Variants in ZNF587 observed in about 807,000 individuals in gnomAD.
The protein encoded by ZNF587 is zinc finger protein zfp6.
In ZNF587, 8 loss-of-function variants were observed where a neutral mutation model predicts 7.5. The observed-to-expected ratio is 1.06, with a 90% CI of 0.62 to 1.92. The LOEUF is 1.92. ZNF587 is among the 40% of genes most tolerant of loss of function. ZNF587 has a pLI of 0.00. For missense variants in ZNF587, 468 were observed against 692.8 expected (o/e 0.68, Z 3.64); for synonymous variants, 145 against 237.8 (o/e 0.61, Z 3.59).
rs1220562118 is a variant in ZNF587, at chr19:57,864,794, A to T, written c.*4654A>T. ...CTTGTGGTGTAAATTTTTTTTTATT[A>T]CACCAAATTATGTTCACACAAAACC... On this transcript the variant is annotated 3_prime_UTR_variant, in exon 3 of 3. Transcript: ENST00000339656. 6.6e-6 allele frequency: 1 copy of T among 152,000 alleles called. No homozygotes were observed. Among genetic ancestry groups the T allele is most frequent in the African/African-American group, 2.4e-5 (1 of 41,406 alleles). The allele number at this position is 152,000 out of a possible 1,614,324, so 9.4% of individuals were successfully genotyped here.
rs150949234 is a variant in ZNF587 at position 57,864,890 on chromosome 19, G to T, written c.*4750G>T. 6.6e-6 allele frequency: 1 copy of T among 151,964 alleles called. No individual in the cohort carries two copies. Among genetic ancestry groups the T allele is most frequent in the Non-Finnish European group, 1.5e-5 (1 of 68,018 alleles). The allele number at this position is 151,964 out of a possible 1,614,324, so 9.4% of individuals were successfully genotyped here. ...TGCAATCAGCCGAGATGGTGCCATC[G>T]CACTCTAGCCTGGGGAATAGAGTGA... On this transcript the variant is annotated 3_prime_UTR_variant, in exon 3 of 3. Coordinates refer to ENST00000339656, the MANE Select transcript of ZNF587 (RefSeq NM_032828.4).
At position 57,861,441 on chromosome 19, in the gene ZNF587, C is replaced by G. The variant is rs948854723; in HGVS notation, c.*1301C>G. 1.4e-4 allele frequency: 22 copies of G among 152,184 alleles called. No individual in the cohort carries two copies. Among genetic ancestry groups the G allele is most frequent in the African/African-American group, 4.8e-4 (20 of 41,416 alleles). 9.4% of individuals were successfully genotyped at this position (152,184 alleles called of 1,614,324 possible). A position where few individuals can be genotyped will look rare whatever the true frequency, so the allele number is the denominator to read the frequency against. ...TGCTTCCTGGGCTCAAGCACTCTGCCCACCTCAGCCTCCAGAGTAGCTGGA... is the reference window on the plus strand; with the variant it reads ...TGCTTCCTGGGCTCAAGCACTCTGCGCACCTCAGCCTCCAGAGTAGCTGGA... On this transcript the variant is annotated 3_prime_UTR_variant, in exon 3 of 3. Coordinates refer to ENST00000339656, the MANE Select transcript of ZNF587 (RefSeq NM_032828.4).
At chr19:57,857,002 T>C (rs567929101) in intron 2 of ZNF587, 12 of 152,110 alleles carry the variant, frequency 7.9e-5, no homozygotes, top group African/African-American at 2.9e-4. Flanking sequence ...TTAGGAATTC[T>C]TTTGTAATAC....
intron 1 of ZNF587, among the ~76,000 whole-genome samples, chr19:57,855,648 G>A (rs565818576): frequency 2.7e-4 from 39 of 144,614 alleles, no homozygotes; most frequent in African/African-American, 9.3e-4. Flanking sequence ...TACAAACCCC[G>A]CCTCCTGGGT....
Position 57,861,747 on chromosome 19 carries a change from CTT to C in ZNF587, c.*1609_*1610del, listed in dbSNP as rs1317002459. The C allele has an allele frequency of 6.9e-6, 1 of 144,702 alleles. No individual in the cohort carries two copies. The highest frequency in any genetic ancestry group is 2.6e-5 in the African/African-American group (1 of 38,136). The allele number at this position is 144,702 out of a possible 1,614,324, so 9.0% of individuals were successfully genotyped here. On this transcript the variant is annotated 3_prime_UTR_variant, in exon 3 of 3. Transcript: ENST00000339656. Reference sequence around the variant, plus strand: ...CTTCATTCATTCTTCAGTGATGTCACTTTGCTGCAAGGAATATTTGGTTTTCT... The same window carrying C: ...CTTCATTCATTCTTCAGTGATGTCACTGCTGCAAGGAATATTTGGTTTTCT...
In ZNF587 at chr19:57,859,798, G is replaced by A; in HGVS notation, c.1386G>A (p.Arg462=). Residue 462 remains arginine (R), a synonymous_variant, in exon 3 of 3, where the codon AGG becomes AGA. Coordinates refer to ENST00000339656, the MANE Select transcript of ZNF587 (RefSeq NM_032828.4). Reference sequence around the variant, plus strand: ...ATGAGAGAGTTCACACTGGAGAAAGGCCATATGCGTGTGAGGTATGTGGGA... The same window carrying A: ...ATGAGAGAGTTCACACTGGAGAAAGACCATATGCGTGTGAGGTATGTGGGA... The part of the protein sequence containing the change: ...LVHERVHTGE[R]PYACEVCGKL... 3.1e-6 allele frequency: 5 copies of A among 1,614,088 alleles called. No individual in the cohort carries two copies. Among genetic ancestry groups the A allele is most frequent in the Non-Finnish European group, 4.2e-6 (5 of 1,180,012 alleles).
chr19:57,855,882 A>C, intron 1 of ZNF587: 1 of 709,986 alleles, frequency 1.4e-6, no homozygotes, highest in Non-Finnish European at 2.2e-6. Context: ...GGACCTTTTT[A>C]TGTCAGGACC....
chr19:57,852,562 T>C (rs2071294190), intron 1 of ZNF587, among the ~76,000 whole-genome samples: 1 of 150,560 alleles, frequency 6.6e-6, no homozygotes. Context: ...ATTTCAGTCT[T>C]GTTGCCCAGG....
chr19:57,860,000 T>C lies in ZNF587; in HGVS notation c.1588T>C (p.Ser530Pro). 6.2e-7 allele frequency: 1 copy of C among 1,612,932 alleles called. No homozygotes were observed. ...GTGCAGTGAATGTGGAAAATCCTTT[T>C]CTGAATGTTCCAGTCTCATTAAACA... ...YKCSECGKSFSECSSLIKHRR... is the reference protein window; with the variant it reads ...YKCSECGKSFPECSSLIKHRR... Residue 530 changes from serine to proline, a missense_variant, in exon 3 of 3, where the codon TCT becomes CCT. Physicochemically the swap from Ser to Pro is moderately conservative, Grantham distance 74. This residue lies in a region of ZNF587 where 310 missense variants were observed against 325.6 expected (regional missense o/e 0.95). Transcript: ENST00000339656.
rs2071410145 is a variant in ZNF587 at position 57,859,627 on chromosome 19, A to C, written c.1215A>C (p.Glu405Asp). ...LVHHQRGHTG[E>D]RPYECKECGK... Reference sequence around the variant, plus strand: ...ACCATCAGCGAGGTCATACTGGAGAAAGGCCCTATGAGTGCAAGGAATGTG... The same window carrying C: ...ACCATCAGCGAGGTCATACTGGAGACAGGCCCTATGAGTGCAAGGAATGTG... The change falls in exon 3 of 3, where the codon GAA (glutamate) becomes GAC (aspartate). Residue 405 changes from glutamate (E) to aspartate (D), a missense_variant. Transcript: ENST00000339656. 1 of 1,614,008 alleles carries C rather than the reference A, an allele frequency of 6.2e-7. No individual in the cohort carries two copies.
chr19:57,857,815 T>A (rs940684765), intron 2 of ZNF587, among the ~76,000 whole-genome samples: 4 of 151,848 alleles, frequency 2.6e-5, no homozygotes, highest in Admixed American at 6.6e-5. Context: ...TTTGTATTTT[T>A]AGTAGATACA....
chr19:57,850,847 C>A lies in ZNF587; in HGVS notation c.33+776C>A, dbSNP rs959996903. Reference sequence around the variant, plus strand: ...AGTAAAGGAGAACTCGTGAGTCATTCCATAAGATGTAAAGCACTGGCCGTT... The same window carrying A: ...AGTAAAGGAGAACTCGTGAGTCATTACATAAGATGTAAAGCACTGGCCGTT... On this transcript the variant is annotated intron_variant, in intron 1 of 2. Transcript: ENST00000339656. The A allele has an allele frequency of 4.1e-4, 131 of 318,684 alleles. 2 individuals carry two copies. Among genetic ancestry groups the A allele is most frequent in the Middle Eastern group, 8.2e-4 (1 of 1,224 alleles). 19.7% of individuals were successfully genotyped at this position (318,684 alleles called of 1,614,324 possible).
rs530305062 is a variant in ZNF587, at chr19:57,856,191, C to T, written c.121C>T (p.Arg41Cys). Reference protein sequence around the residue: ...LLSEAQRCLYRDVMLENLALI... With the variant: ...LLSEAQRCLYCDVMLENLALI... ...TAGTGAGGCTCAGAGGTGCTTGTAC[C>T]GTGATGTGATGCTAGAGAACCTGGC... The change falls in exon 2 of 3, where the codon CGT (arginine) becomes TGT (cysteine). Residue 41 changes from arginine to cysteine, a missense_variant. This residue lies in a region of ZNF587 where 92 missense variants were observed against 89.7 expected (regional missense o/e 1.03). Transcript: ENST00000339656. 2.2e-5 allele frequency: 36 copies of T among 1,605,468 alleles called. No homozygotes were observed. In the East Asian group the frequency reaches 4.7e-4, roughly 21 times the overall value.
intron 1 of ZNF587, among the ~76,000 whole-genome samples, chr19:57,854,729 T>C (rs1487306006): frequency 2.6e-5 from 4 of 151,990 alleles, no homozygotes; most frequent in Non-Finnish European, 5.9e-5. Context: ...TTATACCCTC[T>C]TCATCTTGTG....
Position 57,859,982 on chromosome 19 carries a change from G to C in ZNF587, c.1570G>C (p.Glu524Gln). ...TGGACAAAAGCCTTATAAGTGCAGT[G>C]AATGTGGAAAATCCTTTTCTGAATG... ...HSGQKPYKCS[E>Q]CGKSFSECSS... is the part of the protein sequence containing the mutation. Residue 524 changes from glutamate (E) to glutamine (Q), a missense_variant, in exon 3 of 3, where the codon GAA (glutamate) becomes CAA (glutamine). Physicochemically the swap from Glu to Gln is conservative, Grantham distance 29. This residue lies in a region of ZNF587 where 310 missense variants were observed against 325.6 expected (regional missense o/e 0.95). Coordinates refer to ENST00000339656, the MANE Select transcript of ZNF587 (RefSeq NM_032828.4). The C allele has an allele frequency of 6.2e-7, 1 of 1,614,088 alleles. No homozygotes were observed. The highest frequency in any genetic ancestry group is 8.5e-7 in the Non-Finnish European group (1 of 1,180,004).
intron 1 of ZNF587, chr19:57,850,858 A>G (rs1454460594): frequency 5.3e-5 from 16 of 299,928 alleles, no homozygotes; most frequent in Non-Finnish European, 1.8e-5. Flanking sequence ...CATAAGATGT[A>G]AAGCACTGGC....
chr19:57,859,697 C>A lies in ZNF587; in HGVS notation c.1285C>A (p.Leu429Ile). The change falls in exon 3 of 3, where the codon CTT becomes ATT. Residue 429 changes from leucine (L) to isoleucine (I), a missense_variant. Around this residue, in one of 5 missense-constraint regions of ZNF587, gnomAD observed 310 missense variants for 325.6 expected, o/e 0.95. Coordinates refer to ENST00000339656, the MANE Select transcript of ZNF587 (RefSeq NM_032828.4). ...YRSHLTEHQR[L>I]HTGERPYNCR... ...ATCCCACCTCACTGAACACCAGAGA[C>A]TTCACACTGGGGAAAGACCTTACAA... is the stretch of plus-strand genomic sequence containing the variant. 6.2e-7 allele frequency: 1 copy of A among 1,613,536 alleles called. No individual in the cohort carries two copies. The highest frequency in any genetic ancestry group is 1.7e-5 in the Admixed American group (1 of 59,974).
chr19:57,861,882 G>C lies in ZNF587; in HGVS notation c.*1742G>C, dbSNP rs2122365972. ...CCACCTCCTGTGTTCAAGCGATTCT[G>C]CCTCAGCCTCCTGAGTAGCTGGGAC... On this transcript the variant is annotated 3_prime_UTR_variant, in exon 3 of 3. Coordinates refer to ENST00000339656, the MANE Select transcript of ZNF587 (RefSeq NM_032828.4). 1 of 147,468 alleles carries C rather than the reference G, an allele frequency of 6.8e-6. No individual in the cohort carries two copies. The highest frequency in any genetic ancestry group is 2.1e-4 in the East Asian group (1 of 4,712). The allele number at this position is 147,468 out of a possible 1,614,324, so 9.1% of individuals were successfully genotyped here. A position where few individuals can be genotyped will look rare whatever the true frequency, so the allele number is the denominator to read the frequency against.
At chr19:57,854,693 C>T (rs1464913328) in intron 1 of ZNF587, among the ~76,000 whole-genome samples, 6 of 151,848 alleles carry the variant, frequency 4.0e-5, no homozygotes, top group African/African-American at 1.5e-4. Flanking sequence ...CAAACCATTG[C>T]ATATTCCCAA....
Sources: gnomAD v4.1 joint callset for allele counts (sites outside exome capture counted in the v4.1 genomes callset) on GRCh38, gnomAD v4.1.1 for gene constraint, gnomAD v4.1.1 regional missense constraint, MANE v1.5 for transcripts, NCBI Gene and HGNC (gene_info 2026-07-23, HGNC 2026-07-21) for gene names.